The following TFAM variants were observed in gnomAD, a reference collection of about 807,000 sequenced individuals.
TFAM encodes mitochondrial transcription factor 1.
A neutral mutation model predicts 30.6 loss-of-function variants in TFAM; 13 were observed. The ratio of observed to expected loss-of-function variants is 0.42; its 90% CI spans 0.28 to 0.67. The LOEUF is 0.67. TFAM is among the 30% of genes least tolerant of loss of function. TFAM has a pLI of 0.21. For synonymous variants in TFAM, 106 were observed against 94.8 expected, an observed-to-expected ratio of 1.12 and a Z score of -0.69; for missense variants, 231 against 293.7, an observed-to-expected ratio of 0.79 and a Z score of 1.56.
rs776175768 is a variant in TFAM at position 58,386,333 on chromosome 10, AC to A, written c.218del (p.Pro73GlnfsTer8). The A allele has an allele frequency of 6.2e-7, 1 of 1,609,992 alleles. No homozygotes were observed. On this transcript the variant is annotated frameshift_variant, in exon 2 of 7. Coordinates refer to ENST00000487519, the MANE Select transcript of TFAM (RefSeq NM_003201.3). LOFTEE classifies it high-confidence loss of function. Reference protein sequence around the residue: ...KEQLPIFKAQNPDAKTTELIR... With the variant: ...KEQLPIFKAQXPDAKTTELIR... ...CAACTACCCATATTTAAAGCTCAGA[AC>A]CCAGGTAAGGAGTTTTGGGGCATAT...
chr10:58,385,459 C>T lies in TFAM; in HGVS notation c.-89C>T, dbSNP rs1403220910. 7 of 992,698 alleles carry T rather than the reference C, an allele frequency of 7.1e-6. No individual in the cohort carries two copies. The highest frequency in any genetic ancestry group is 5.2e-5 in the East Asian group (2 of 38,482). The allele number at this position is 992,698 out of a possible 1,614,324, so 61.5% of individuals were successfully genotyped here. On this transcript the variant is annotated 5_prime_UTR_variant, in exon 1 of 7. It adds an upstream start codon to the 5' untranslated region. Transcript: ENST00000487519. Reference sequence around the variant, plus strand: ...TGATAACACACGCCGGAGGGTCGCACGCGGGTTCCAGTTGTGATTGCTGGA... The same window carrying T: ...TGATAACACACGCCGGAGGGTCGCATGCGGGTTCCAGTTGTGATTGCTGGA...
chr10:58,390,067 A>G (rs1840562925), intron 4 of TFAM, among the ~76,000 whole-genome samples: 1 of 152,222 alleles, frequency 6.6e-6, no homozygotes, highest in Non-Finnish European at 1.5e-5. Flanking sequence ...AAACTAAATC[A>G]GAGGAGCCCT....
chr10:58,394,251 G>A (rs1055827889), intron 5 of TFAM, 107 bp from the exon 6 acceptor site: 23 of 824,428 alleles, frequency 2.8e-5, no homozygotes, highest in Non-Finnish European at 4.9e-5. Context: ...AAGAATTGAT[G>A]AGGCTTTGCC....
At position 58,396,390 on chromosome 10, in the gene TFAM, CTAGA is replaced by C. The variant is rs1269065225; in HGVS notation, c.*1319_*1322del. ...ACCTTTAAGAGGAAAAAGGTCATCA[CTAGA>C]TAATCTAAACAAATTGTTGCTTCTC... On this transcript the variant is annotated 3_prime_UTR_variant, in exon 7 of 7. Coordinates refer to ENST00000487519, the MANE Select transcript of TFAM (RefSeq NM_003201.3). 2.6e-4 allele frequency: 39 copies of C among 152,244 alleles called. No homozygotes were observed. Among genetic ancestry groups the C allele is most frequent in the African/African-American group, 9.4e-4 (39 of 41,554 alleles). 9.4% of individuals were successfully genotyped at this position (152,244 alleles called of 1,614,324 possible). A position where few individuals can be genotyped will look rare whatever the true frequency, so the allele number is the denominator to read the frequency against.
At chr10:58,393,085 T>A (rs1475398227) in intron 5 of TFAM, among the ~76,000 whole-genome samples, 1 of 152,072 alleles carries the variant, frequency 6.6e-6, no homozygotes, top group Non-Finnish European at 1.5e-5. Flanking sequence ...GTTCAAGCGA[T>A]CCTCCTGCCT....
intron 4 of TFAM, among the ~76,000 whole-genome samples, 179 bp from the exon 5 acceptor site, chr10:58,390,586 A>T (rs186590955): frequency 1.3e-5 from 2 of 152,366 alleles, no homozygotes; most frequent in African/African-American, 4.8e-5. Context: ...CATAATTTTC[A>T]TAACAGTGCT....
chr10:58,389,496 T>G (rs568950042), intron 4 of TFAM, among the ~76,000 whole-genome samples: 2 of 152,346 alleles, frequency 1.3e-5, no homozygotes, highest in Admixed American at 1.3e-4. Flanking sequence ...GAGTTAAAAC[T>G]ATTTCTTTGA....
rs1278844140 is a variant in TFAM at position 58,398,295 on chromosome 10, A to G, written c.*3221A>G. ...CTGTAGGAGCTGAGTGTTAGAAGGA[A>G]AGATGCTGAAGAAATGAAATCAAGC... On this transcript the variant is annotated 3_prime_UTR_variant, in exon 7 of 7. Coordinates refer to ENST00000487519, the MANE Select transcript of TFAM (RefSeq NM_003201.3). 6.6e-6 allele frequency: 1 copy of G among 152,264 alleles called. No homozygotes were observed. The highest frequency in any genetic ancestry group is 1.5e-5 in the Non-Finnish European group (1 of 68,050). The allele number at this position is 152,264 out of a possible 1,614,324, so 9.4% of individuals were successfully genotyped here.
At chr10:58,390,960 A>G (rs1291129460) in intron 5 of TFAM, 100 bp downstream of exon 5, 1 of 1,080,524 alleles carries the variant, frequency 9.3e-7, no homozygotes, top group Admixed American at 2.0e-5. Flanking sequence ...GTGAATATCC[A>G]GACAGTAAAC....
rs1408447573 is a variant in TFAM at position 58,397,741 on chromosome 10, A to G, written c.*2667A>G. 1 of 140,434 alleles carries G rather than the reference A, an allele frequency of 7.1e-6. No individual in the cohort carries two copies. Among genetic ancestry groups the G allele is most frequent in the Non-Finnish European group, 1.5e-5 (1 of 66,926 alleles). The allele number at this position is 140,434 out of a possible 1,614,324, so 8.7% of individuals were successfully genotyped here. A position where few individuals can be genotyped will look rare whatever the true frequency, so the allele number is the denominator to read the frequency against. Reference sequence around the variant, plus strand: ...TCATAACCAATGACCACTCATATAAAGTCTTATTTGTGTGTGTGTGTGTGT... The same window carrying G: ...TCATAACCAATGACCACTCATATAAGGTCTTATTTGTGTGTGTGTGTGTGT... On this transcript the variant is annotated 3_prime_UTR_variant, in exon 7 of 7. Coordinates refer to ENST00000487519, the MANE Select transcript of TFAM (RefSeq NM_003201.3).
At chr10:58,389,373 ATT>A (rs1407025173) in intron 4 of TFAM, among the ~76,000 whole-genome samples, 1 of 152,190 alleles carries the variant, frequency 6.6e-6, no homozygotes, top group African/African-American at 2.4e-5. Flanking sequence ...TAATGTATTA[ATT>A]CACATAAATG....
Position 58,390,735 on chromosome 10 carries a change from A to G in TFAM, c.442-30A>G, listed in dbSNP as rs770257290. On this transcript the variant is annotated intron_variant, in intron 4 of 6. Transcript: ENST00000487519. ...ATTAAGTCTCATGGAGGTTAACACT[A>G]TTTTTGACCCTCCAATTTTTTTAAT... The G allele has an allele frequency of 1.2e-5, 18 of 1,558,216 alleles. No homozygotes were observed. The South Asian group carries it at 1.9e-4, about 16-fold the overall frequency.
At chr10:58,385,756 C>A in intron 1 of TFAM, 108 bp downstream of exon 1, 1 of 900,534 alleles carries the variant, frequency 1.1e-6, no homozygotes, top group South Asian at 1.4e-5. Flanking sequence ...TTCAGAGTCA[C>A]CCTGGTTCTT....
intron 2 of TFAM, among the ~76,000 whole-genome samples, chr10:58,387,179 C>G (rs1288993431): frequency 1.3e-5 from 2 of 152,254 alleles, no homozygotes; most frequent in Admixed American, 6.5e-5. Flanking sequence ...GAGAGGATCA[C>G]TGGATCCCAG....
intron 2 of TFAM, 132 bp downstream of exon 2, chr10:58,386,470 AG>A: frequency 1.2e-6 from 1 of 805,624 alleles, no homozygotes; most frequent in Non-Finnish European, 2.1e-6. Flanking sequence ...TCTGTAAAAT[AG>A]GAAGTTCTAT....
At chr10:58,394,497 A>T in intron 6 of TFAM, 83 bp downstream of exon 6, 1 of 1,133,880 alleles carries the variant, frequency 8.8e-7, no homozygotes, top group Non-Finnish European at 1.3e-6. Context: ...GATTCATGTG[A>T]AGACAACCTT....
intron 2 of TFAM, 28 bp from the exon 3 acceptor site, chr10:58,388,162 T>A (rs1289511587): frequency 1.3e-6 from 2 of 1,588,258 alleles, no homozygotes; most frequent in Admixed American, 3.3e-5. Context: ...AATTGTGGCA[T>A]CTTTTTTCTT....
At chr10:58,391,316 G>T (rs1840594608) in intron 5 of TFAM, among the ~76,000 whole-genome samples, 3 of 152,098 alleles carry the variant, frequency 2.0e-5, no homozygotes, top group Admixed American at 1.3e-4. Flanking sequence ...GTGTGTCAAA[G>T]AAAAAGAAAG....
chr10:58,395,228 A>G lies in TFAM; in HGVS notation c.*154A>G. On this transcript the variant is annotated 3_prime_UTR_variant, in exon 7 of 7. Coordinates refer to ENST00000487519, the MANE Select transcript of TFAM (RefSeq NM_003201.3). The stretch of plus-strand genomic sequence containing the variant: ...TCAGCTCATGGACTTCTGCCAGCAT[A>G]ATACTTGCTTTGGAAAACCCAGATA... 1 of 794,466 alleles carries G rather than the reference A, an allele frequency of 1.3e-6. No homozygotes were observed. Among genetic ancestry groups the G allele is most frequent in the Non-Finnish European group, 2.0e-6 (1 of 495,328 alleles). The allele number at this position is 794,466 out of a possible 1,614,324, so 49.2% of individuals were successfully genotyped here.
Sources: gnomAD v4.1 joint callset for allele counts (sites outside exome capture counted in the v4.1 genomes callset) on GRCh38, gnomAD v4.1.1 for gene constraint, MANE v1.5 for transcripts, NCBI Gene and HGNC (gene_info 2026-07-23, HGNC 2026-07-21) for gene names.